Variants in IL3RA observed in about 807,000 individuals in gnomAD.
IL3RA encodes the protein interleukin-3 receptor subunit alpha.
Under a neutral mutation model 52.3 loss-of-function variants are expected in IL3RA, and 73 were observed. The observed-to-expected ratio is 1.40, with a 90% confidence interval of 1.16 to 1.70. The LOEUF (loss-of-function observed/expected upper bound fraction) is 1.70, where lower values mean the gene tolerates loss of function less well. Ranked by LOEUF, IL3RA falls within the 40% of genes most tolerant of loss-of-function variation. The probability of loss-of-function intolerance (pLI) is 0.00; values close to 1 mark genes in which losing one functional copy is unlikely to be tolerated. For synonymous variants in IL3RA, 260 were observed against 194.0 expected, an observed-to-expected ratio of 1.34 and a Z score of -2.83; for missense variants, 664 against 504.4, an observed-to-expected ratio of 1.32 and a Z score of -3.03.
intron 8 of IL3RA, among the ~76,000 whole-genome samples, chrX:1,363,118 G>GCC (rs369433050): frequency 8.4e-4 from 127 of 150,706 alleles, no homozygotes; most frequent in African/African-American, 3.0e-3. Flanking sequence ...TGCATTTAGG[G>GCC]CCCCCCCTGA....
Position 1,381,123 on chromosome X carries a change from C to G in IL3RA, c.1062+19C>G, listed in dbSNP as rs374740677. The G allele has an allele frequency of 1.9e-6, 3 of 1,612,766 alleles. No homozygotes were observed. The African/African-American group carries it at 4.0e-5, about 22-fold the overall frequency. On this transcript the variant is annotated intron_variant, in intron 11 of 11. Transcript: ENST00000331035. The stretch of plus-strand genomic sequence containing the variant: ...CAAGCTGGTATGTTGTTTTTTCTGC[C>G]TTGGGACGGGTCTGGAGGCGTGGTG...
intron 6 of IL3RA, 83 bp downstream of exon 6, chrX:1,352,589 G>A (rs1170436032): frequency 5.0e-6 from 7 of 1,407,124 alleles, no homozygotes; most frequent in East Asian, 2.4e-5. Context: ...ACGGGACCAC[G>A]TGGCTCCCAA....
chrX:1,381,610 TCAC>T (rs1479732499), intron 11 of IL3RA, among the ~76,000 whole-genome samples: 2 of 151,368 alleles, frequency 1.3e-5, no homozygotes, highest in Non-Finnish European at 2.9e-5. Flanking sequence ...CGATCTTGGC[TCAC>T]CACAACCTCC....
intron 10 of IL3RA, among the ~76,000 whole-genome samples, chrX:1,379,867 C>T (rs189567679): frequency 1.3e-5 from 2 of 152,374 alleles, no homozygotes; most frequent in African/African-American, 4.8e-5. Flanking sequence ...TCAAGCGATT[C>T]TCCTGCCTCA....
Position 1,341,714 on chromosome X carries a change from C to T in IL3RA, c.-38-14C>T, listed in dbSNP as rs181019065. On this transcript the variant is annotated splice_polypyrimidine_tract_variant and intron_variant, in intron 1 of 11. Transcript: ENST00000331035. ...CAGCCAGTCCCCGCTGCCTGACTCTCGTTTCTCCTGCAGCAGGCACCTCTG... is the reference window on the plus strand; with the variant it reads ...CAGCCAGTCCCCGCTGCCTGACTCTTGTTTCTCCTGCAGCAGGCACCTCTG... 546 of 1,607,284 alleles carry T rather than the reference C, an allele frequency of 3.4e-4. No individual in the cohort carries two copies. The highest frequency in any genetic ancestry group is 1.6e-3 in the African/African-American group (118 of 74,886).
At chrX:1,355,041 G>A (rs111066021) in intron 6 of IL3RA, among the ~76,000 whole-genome samples, 2,574 of 7,722 alleles carry the variant, frequency 0.33, 954 homozygotes, top group Non-Finnish European at 0.39. Flanking sequence ...ATGGAGGAAG[G>A]GGAGCAGATG....
intron 8 of IL3RA, among the ~76,000 whole-genome samples, chrX:1,364,423 G>A (rs1174518147): frequency 3.3e-5 from 5 of 152,068 alleles, no homozygotes; most frequent in Admixed American, 6.6e-5. Flanking sequence ...TCTGGGAGGC[G>A]GAGGTTGCGG....
At chrX:1,357,276 T>C (rs1280848634) in intron 7 of IL3RA, among the ~76,000 whole-genome samples, 1 of 151,692 alleles carries the variant, frequency 6.6e-6, no homozygotes, top group African/African-American at 2.4e-5. Context: ...TTAGTTTGTA[T>C]TTTATTTTAT....
rs1304776420 is a variant in IL3RA at position 1,366,525 on chromosome X, CGGTGAGCCGGGTGCGCGG to C, written c.874+1305_874+1322del. 4.9e-3 allele frequency among the ~76,000 whole-genome samples: 143 copies of C among 29,050 alleles called. 3 individuals are homozygous for C. Among genetic ancestry groups the C allele is most frequent in the Non-Finnish European group, 9.6e-3 (127 of 13,240 alleles). The allele number at this position is 29,050 out of a possible 152,430, so 19.1% of individuals were successfully genotyped here. A position where few individuals can be genotyped will look rare whatever the true frequency, so the allele number is the denominator to read the frequency against. On this transcript the variant is annotated intron_variant, in intron 9 of 11. Coordinates refer to ENST00000331035, the MANE Select transcript of IL3RA (RefSeq NM_002183.4). ...GTGAGCGGGGTGCGCGGGGTGAGCC[CGGTGAGCCGGGTGCGCGG>C]GGTGAGCCGGGTGCGCGGGGTGAGC...
Position 1,348,595 on chromosome X carries a change from C to G in IL3RA, c.298+50C>G. On this transcript the variant is annotated intron_variant, in intron 4 of 11. Coordinates refer to ENST00000331035, the MANE Select transcript of IL3RA (RefSeq NM_002183.4). ...TTATTCTCTATTCCCTCCCTCCTTC[C>G]CTCTCTCCCTCCCTCTCGCCTTCGC... The G allele has an allele frequency of 3.1e-6, 4 of 1,286,692 alleles. No individual in the cohort carries two copies. The South Asian group carries it at 4.8e-5, about 15-fold the overall frequency. 79.7% of individuals were successfully genotyped at this position (1,286,692 alleles called of 1,614,324 possible).
intron 8 of IL3RA, among the ~76,000 whole-genome samples, chrX:1,363,714 A>C (rs1266371192): frequency 3.3e-5 from 5 of 151,050 alleles, no homozygotes; most frequent in African/African-American, 1.2e-4. Context: ...CTTTTCTTCT[A>C]CTTTTTTGTT....
At chrX:1,358,833 C>G (rs780332650) in intron 7 of IL3RA, 28 bp from the exon 8 acceptor site, 2 of 1,613,030 alleles carry the variant, frequency 1.2e-6, no homozygotes, top group South Asian at 2.2e-5. Context: ...TCCAGACACT[C>G]AAAAGTTTGC....
chrX:1,377,998 G>T (rs1247567839), intron 9 of IL3RA, among the ~76,000 whole-genome samples: 1 of 151,048 alleles, frequency 6.6e-6, no homozygotes, highest in Admixed American at 6.6e-5. Context: ...CCAGCCTAAC[G>T]AAGATGGTGA....
chrX:1,357,946 CA>C lies in IL3RA; in HGVS notation c.733-906del, dbSNP rs766281782. Among the ~76,000 whole-genome samples, 1,074 of 148,334 alleles carry C rather than the reference CA, an allele frequency of 7.2e-3. 17 individuals carry two copies. The highest frequency in any genetic ancestry group is 0.025 in the African/African-American group (1,003 of 40,554). On this transcript the variant is annotated intron_variant, in intron 7 of 11. Coordinates refer to ENST00000331035, the MANE Select transcript of IL3RA (RefSeq NM_002183.4). ...TAAAACCCCGTCTCTACTAAAAATA[CA>C]AAAAAAAATTAGCTGGGCGTGGTGG...
Position 1,352,210 on chromosome X carries a change from G to A in IL3RA, c.409G>A (p.Asp137Asn), listed in dbSNP as rs780337362. 1.6e-5 allele frequency: 26 copies of A among 1,613,510 alleles called. No homozygotes were observed. Among genetic ancestry groups the A allele is most frequent in the South Asian group, 2.2e-5 (2 of 91,074 alleles). ...GGGGGCCCCCGCGGACGTCCAGTAC[G>A]ACCTGTACTTGAACGTTGCCAAGTA... ...GPGAPADVQY[D>N]LYLNVANRRQ... Residue 137 changes from aspartate to asparagine, a missense_variant, in exon 5 of 12, where the codon GAC becomes AAC. Asp to Asn is a conservative substitution (Grantham distance 23). Transcript: ENST00000331035.
chrX:1,367,629 G>C lies in IL3RA; in HGVS notation c.874+2377G>C, dbSNP rs867013763. ...GGTGAGCGGGGTGCGCGGGGTGAGC[G>C]GGGTGCGCCGGGTGAGCCGGGTGCG... On this transcript the variant is annotated intron_variant, in intron 9 of 11. Transcript: ENST00000331035. Among the ~76,000 whole-genome samples the C allele has an allele frequency of 7.9e-4, 76 of 96,736 alleles. 1 individual carries two copies. The highest frequency in any genetic ancestry group is 5.0e-3 in the Admixed American group (48 of 9,692). 63.5% of individuals were successfully genotyped at this position (96,736 alleles called of 152,430 possible).
intron 7 of IL3RA, among the ~76,000 whole-genome samples, chrX:1,357,694 A>C (rs1190025680): frequency 6.6e-6 from 1 of 151,610 alleles, no homozygotes; most frequent in Non-Finnish European, 1.5e-5. Flanking sequence ...AATACTAATT[A>C]TTTCATATGC....
At chrX:1,343,639 C>T (rs1324642861) in intron 2 of IL3RA, among the ~76,000 whole-genome samples, 3 of 141,294 alleles carry the variant, frequency 2.1e-5, no homozygotes, top group African/African-American at 8.3e-5. Context: ...TGCACTCCAA[C>T]CTGGGTGACA....
Position 1,347,165 on chromosome X carries a change from G to A in IL3RA, c.184-1266G>A, listed in dbSNP as rs781597752. ...GGATTGCTATAAGAATACACAAGTAGGCCGGGCGTGGTGGCTCACGCCTGT... is the reference window on the plus strand; with the variant it reads ...GGATTGCTATAAGAATACACAAGTAAGCCGGGCGTGGTGGCTCACGCCTGT... On this transcript the variant is annotated intron_variant, in intron 3 of 11. Coordinates refer to ENST00000331035, the MANE Select transcript of IL3RA (RefSeq NM_002183.4). 6.6e-5 allele frequency among the ~76,000 whole-genome samples: 10 copies of A among 151,672 alleles called. No homozygotes were observed. In the South Asian group the frequency reaches 2.1e-3, roughly 31 times the overall value.
Sources: gnomAD v4.1 joint callset for allele counts (sites outside exome capture counted in the v4.1 genomes callset) on GRCh38, gnomAD v4.1.1 for gene constraint, MANE v1.5 for transcripts, NCBI Gene and HGNC (gene_info 2026-07-23, HGNC 2026-07-21) for gene names.